Variants in NFIB observed in about 807,000 individuals in gnomAD.
NFIB encodes nuclear factor 1 B-type.
NFIB carries 11 observed loss-of-function variants against 61.5 expected under a neutral mutation model. That is an observed-to-expected ratio of 0.18 (90% CI 0.11 to 0.30). The LOEUF (loss-of-function observed/expected upper bound fraction) is 0.30, where lower values mean the gene tolerates loss of function less well. Among genes scored for constraint, NFIB ranks in the 10% least tolerant of loss-of-function variants. NFIB has a pLI of 1.00. For synonymous variants in NFIB, 260 were observed against 216.5 expected, an observed-to-expected ratio of 1.20 and a Z score of -1.76; for missense variants, 471 against 608.9, an observed-to-expected ratio of 0.77 and a Z score of 2.38.
chr9:14,384,365 A>C (rs1048734443), intron 1 of NFIB, among the ~76,000 whole-genome samples: 1 of 152,360 alleles, frequency 6.6e-6, no homozygotes, highest in African/African-American at 2.4e-5. Flanking sequence ...CGATAAAATT[A>C]GTTCAAATAT....
At chr9:14,502,898 C>G in the NFIB span, among the ~76,000 whole-genome samples, 3,299 of 152,064 alleles carry the variant, frequency 0.022, 50 homozygotes, top group South Asian at 0.043. Context: ...CACCATTTCC[C>G]CAAAATCCAT....
the NFIB span, among the ~76,000 whole-genome samples, chr9:14,474,554 T>C: frequency 6.6e-6 from 1 of 152,208 alleles, no homozygotes; most frequent in African/African-American, 2.4e-5. Context: ...AAGTCAAGCA[T>C]CAACCTTAAA....
chr9:14,335,315 G>A (rs1179190675), intron 1 of NFIB, among the ~76,000 whole-genome samples: 1 of 152,200 alleles, frequency 6.6e-6, no homozygotes, highest in Non-Finnish European at 1.5e-5. Context: ...AGCAATGTAT[G>A]AGAGCTCCCA....
the NFIB span, among the ~76,000 whole-genome samples, chr9:14,418,291 C>A: frequency 6.6e-6 from 1 of 152,232 alleles, no homozygotes; most frequent in Non-Finnish European, 1.5e-5. Context: ...TCACAGCCCC[C>A]TGGCTTTCAT....
intron 10 of NFIB, chr9:14,096,320 G>C (rs892926583): frequency 1.3e-5 from 2 of 152,052 alleles, no homozygotes; most frequent in East Asian, 3.9e-4. Flanking sequence ...AAAAATCATC[G>C]ACAGGAAACG....
chr9:14,272,359 G>A (rs944535146), intron 2 of NFIB, among the ~76,000 whole-genome samples: 2 of 152,024 alleles, frequency 1.3e-5, no homozygotes, highest in Non-Finnish European at 2.9e-5. Context: ...GATGACCCAT[G>A]CAATAGAGCC....
chr9:14,368,494 G>A (rs754806563), intron 1 of NFIB, among the ~76,000 whole-genome samples: 1 of 152,236 alleles, frequency 6.6e-6, no homozygotes, highest in Non-Finnish European at 1.5e-5. Flanking sequence ...TGTTTCACCA[G>A]GCAGACTGGT....
intron 2 of NFIB, among the ~76,000 whole-genome samples, chr9:14,273,147 T>A (rs1485738989): frequency 6.6e-6 from 1 of 152,194 alleles, no homozygotes; most frequent in African/African-American, 2.4e-5. Flanking sequence ...GGAAAACATG[T>A]TCCCAGTTTT....
chr9:14,350,828 A>G (rs1436049515), intron 1 of NFIB, among the ~76,000 whole-genome samples: 1 of 152,124 alleles, frequency 6.6e-6, no homozygotes, highest in Non-Finnish European at 1.5e-5. Flanking sequence ...TCTGCTTCCA[A>G]CAACCCCCTT....
intron 2 of NFIB, among the ~76,000 whole-genome samples, chr9:14,188,456 T>C (rs16931440): frequency 0.045 from 6,896 of 152,244 alleles, 466 homozygotes; most frequent in African/African-American, 0.15. Context: ...CTAAAAGAAA[T>C]AGCTCTCGCA....
intron 2 of NFIB, among the ~76,000 whole-genome samples, chr9:14,275,267 T>G (rs1342330860): frequency 6.6e-6 from 1 of 152,178 alleles, no homozygotes; most frequent in Non-Finnish European, 1.5e-5. Flanking sequence ...TTTAAATGAG[T>G]AACTTAGAGT....
chr9:14,519,547 T>G, the NFIB span, among the ~76,000 whole-genome samples: 1 of 152,188 alleles, frequency 6.6e-6, no homozygotes. Context: ...AGGCAGGGGT[T>G]GTTTTTGTTT....
At chr9:14,258,166 C>G (rs1281326668) in intron 2 of NFIB, among the ~76,000 whole-genome samples, 1 of 152,188 alleles carries the variant, frequency 6.6e-6, no homozygotes, top group African/African-American at 2.4e-5. Context: ...TCACTGAGAA[C>G]ATTCATTCAG....
the NFIB span, among the ~76,000 whole-genome samples, chr9:14,425,751 A>G: frequency 1.3e-5 from 2 of 151,824 alleles, no homozygotes; most frequent in South Asian, 2.1e-4. Context: ...TGATTGGACC[A>G]TGGGCTACTT....
chr9:14,204,957 G>A, intron 2 of NFIB: 2 of 331,740 alleles, frequency 6.0e-6, no homozygotes, highest in Non-Finnish European at 1.2e-5. Flanking sequence ...CATCACTGGG[G>A]AGGCAATGTC....
At position 14,314,002 on chromosome 9, in the gene NFIB, G is replaced by C. The variant is rs1449784272; in HGVS notation, c.-491C>G. On this transcript the variant is annotated 5_prime_UTR_variant, in exon 1 of 11. Transcript: ENST00000380953. ...CGAGCGGGCGGGCGGGAGGGAGAGC[G>C]GGGAGAATGTGTCACCGCGCTGGGA... The C allele has an allele frequency of 3.8e-6, 4 of 1,066,608 alleles. No homozygotes were observed. Among genetic ancestry groups the C allele is most frequent in the Non-Finnish European group, 4.5e-6 (4 of 881,580 alleles). 66.1% of individuals were successfully genotyped at this position (1,066,608 alleles called of 1,614,324 possible). A position where few individuals can be genotyped will look rare whatever the true frequency, so the allele number is the denominator to read the frequency against.
chr9:14,468,875 A>G, the NFIB span, among the ~76,000 whole-genome samples: 2 of 152,246 alleles, frequency 1.3e-5, no homozygotes, highest in African/African-American at 4.8e-5. Context: ...GTAGAAAGGT[A>G]CAGAAGACCA....
the NFIB span, among the ~76,000 whole-genome samples, chr9:14,531,565 C>T: frequency 1.3e-5 from 2 of 152,214 alleles, no homozygotes; most frequent in South Asian, 4.1e-4. Flanking sequence ...GTACATTACT[C>T]TGTTTTAAGA....
intron 1 of NFIB, among the ~76,000 whole-genome samples, chr9:14,348,338 GAA>G (rs5896629): frequency 2.7e-5 from 4 of 146,516 alleles, no homozygotes; most frequent in African/African-American, 2.5e-5. Flanking sequence ...TACCGGGGGT[GAA>G]AAAAAAAAAA....
Sources: allele counts gnomAD v4.1 joint callset (sites outside exome capture counted in the v4.1 genomes callset), GRCh38; gene constraint gnomAD v4.1.1; transcripts MANE v1.5; gene names NCBI Gene and HGNC (gene_info 2026-07-23, HGNC 2026-07-21).